The following PCSK5 variants were observed in gnomAD, a reference collection of about 807,000 sequenced individuals.
PCSK5 encodes proprotein convertase subtilisin/kexin type 5.
Under a neutral mutation model 233.2 loss-of-function variants are expected in PCSK5, and 129 were observed. The ratio of observed to expected loss-of-function variants is 0.55; its 90% CI spans 0.48 to 0.64. The LOEUF is 0.64. Among genes scored for constraint, PCSK5 ranks in the 30% least tolerant of loss-of-function variants. The probability of loss-of-function intolerance (pLI) is 0.00; values close to 1 mark genes in which losing one functional copy is unlikely to be tolerated. For missense variants in PCSK5, 2,076 were observed against 2,430.1 expected, an observed-to-expected ratio of 0.85 and a Z score of 3.06; for synonymous variants, 825 against 879.2, an observed-to-expected ratio of 0.94 and a Z score of 1.09.
chr9:76,182,234 G>C (rs561195664), intron 16 of PCSK5, among the ~76,000 whole-genome samples: 1 of 152,246 alleles, frequency 6.6e-6, no homozygotes, highest in South Asian at 2.1e-4. Flanking sequence ...CAACATTCAG[G>C]CTGCTCTTTT....
chr9:76,095,889 G>A lies in PCSK5; in HGVS notation c.895-1G>A. ...ATTTAGCTTTCTCTGTTTGTGAACA[G>A]GGGCGGAGAGGCCTCGGCTCTGTGT... On this transcript the variant is annotated splice_acceptor_variant, in intron 7 of 37. Coordinates refer to ENST00000674117, the MANE Select transcript of PCSK5 (RefSeq NM_001372043.1). LOFTEE classifies it high-confidence loss of function. 1 of 1,613,858 alleles carries A rather than the reference G, an allele frequency of 6.2e-7. No homozygotes were observed. The highest frequency in any genetic ancestry group is 8.5e-7 in the Non-Finnish European group (1 of 1,179,794).
chr9:76,274,664 A>G (rs1246579761), intron 24 of PCSK5, among the ~76,000 whole-genome samples: 1 of 152,230 alleles, frequency 6.6e-6, no homozygotes, highest in African/African-American at 2.4e-5. Context: ...AACATGAATT[A>G]TGACTATAAA....
chr9:76,294,230 T>A (rs1587843377), intron 25 of PCSK5, among the ~76,000 whole-genome samples: 1 of 150,882 alleles, frequency 6.6e-6, no homozygotes, highest in East Asian at 1.9e-4. Flanking sequence ...AAGGAAGATA[T>A]GCAAAGGTTT....
chr9:76,015,966 CTA>C (rs1342766173), intron 3 of PCSK5, among the ~76,000 whole-genome samples: 1 of 152,220 alleles, frequency 6.6e-6, no homozygotes, highest in Non-Finnish European at 1.5e-5. Context: ...ACTCCAGTCT[CTA>C]TGATTATTTG....
intron 5 of PCSK5, among the ~76,000 whole-genome samples, chr9:76,064,744 G>A (rs1412197289): frequency 4.7e-5 from 7 of 149,766 alleles, no homozygotes; most frequent in African/African-American, 1.2e-4. Flanking sequence ...GGTCTCGGCC[G>A]GGCAGAGGCG....
chr9:76,113,041 A>G (rs372169558), intron 9 of PCSK5, among the ~76,000 whole-genome samples: 57 of 152,272 alleles, frequency 3.7e-4, no homozygotes, highest in African/African-American at 1.2e-3. Flanking sequence ...GAGAAGTTCA[A>G]TTGCTCAATT....
At chr9:76,233,322 T>A in intron 21 of PCSK5, 138 bp from the exon 22 acceptor site, 1 of 793,408 alleles carries the variant, frequency 1.3e-6, no homozygotes, top group Non-Finnish European at 2.0e-6. Context: ...TCTAAGATGA[T>A]CACTCCCAGG....
chr9:76,307,343 T>C (rs1233551023), intron 28 of PCSK5, among the ~76,000 whole-genome samples: 1 of 151,814 alleles, frequency 6.6e-6, no homozygotes, highest in East Asian at 1.9e-4. Flanking sequence ...ATAAGGAAAA[T>C]GGTAAGATGT....
intron 12 of PCSK5, among the ~76,000 whole-genome samples, chr9:76,165,242 A>G (rs1003331753): frequency 6.6e-6 from 1 of 152,240 alleles, no homozygotes; most frequent in African/African-American, 2.4e-5. Context: ...TTCCAGGAAT[A>G]TTAGCCTGAT....
Position 75,980,605 on chromosome 9 carries a change from TTAA to T in PCSK5, c.298-5522_298-5520del, listed in dbSNP as rs1826230886. ...TGAAATAAACAGAATTTAAACGATC[TTAA>T]TAATTTTTTTCTTTAAAAAGGTGAC... On this transcript the variant is annotated intron_variant, in intron 2 of 37. Coordinates refer to ENST00000674117, the MANE Select transcript of PCSK5 (RefSeq NM_001372043.1). Among the ~76,000 whole-genome samples, 7 of 152,274 alleles carry T rather than the reference TTAA, an allele frequency of 4.6e-5. No individual in the cohort carries two copies. The South Asian group carries it at 1.5e-3, about 32-fold the overall frequency.
At position 76,193,612 on chromosome 9, in the gene PCSK5, A is replaced by T. The variant is rs1269473659; in HGVS notation, c.2626+3866A>T. The T allele has an allele frequency of 1.7e-5, 6 of 359,384 alleles. No homozygotes were observed. The East Asian group carries it at 2.4e-4, about 14-fold the overall frequency. 22.3% of individuals were successfully genotyped at this position (359,384 alleles called of 1,614,324 possible). ...TTTAGTGCTAAACAGCCAGAACCAC[A>T]GAGACAGTATTGTATGACCAAAGCA... On this transcript the variant is annotated intron_variant, in intron 20 of 37. Transcript: ENST00000674117.
chr9:76,295,188 G>A lies in PCSK5; in HGVS notation c.3186-87G>A, dbSNP rs1351069360. ...AAAACAAAACGAAACAAAAAACTCT[G>A]CATAGACATACATAAGGAGATTAAA... On this transcript the variant is annotated intron_variant, in intron 25 of 37. Coordinates refer to ENST00000674117, the MANE Select transcript of PCSK5 (RefSeq NM_001372043.1). 5.9e-6 allele frequency: 7 copies of A among 1,195,420 alleles called. No homozygotes were observed. The East Asian group carries it at 1.8e-4, about 30-fold the overall frequency. The allele number at this position is 1,195,420 out of a possible 1,614,324, so 74.1% of individuals were successfully genotyped here.
At chr9:75,987,659 G>A (rs1306418212) in intron 3 of PCSK5, among the ~76,000 whole-genome samples, 3 of 152,162 alleles carry the variant, frequency 2.0e-5, no homozygotes, top group African/African-American at 7.2e-5. Context: ...AGGGGAAAAA[G>A]GGAGGAATCA....
chr9:76,069,228 G>A (rs1355704922), intron 6 of PCSK5, among the ~76,000 whole-genome samples: 1 of 152,062 alleles, frequency 6.6e-6, no homozygotes, highest in East Asian at 1.9e-4. Context: ...CCTGAAGAAT[G>A]ATGAGTTTTG....
chr9:76,177,743 T>TATC (rs1823678174), intron 14 of PCSK5, among the ~76,000 whole-genome samples: 1 of 152,228 alleles, frequency 6.6e-6, no homozygotes, highest in Admixed American at 6.5e-5. Flanking sequence ...AACAGTTATA[T>TATC]ATCTTTGTGG....
chr9:76,057,960 C>T (rs1829883779), intron 5 of PCSK5, among the ~76,000 whole-genome samples: 1 of 150,662 alleles, frequency 6.6e-6, no homozygotes, highest in Admixed American at 6.7e-5. Flanking sequence ...CCTCAGCCTT[C>T]TGAGTAAGCG....
chr9:76,011,298 C>G (rs1827720193), intron 3 of PCSK5, among the ~76,000 whole-genome samples: 1 of 152,166 alleles, frequency 6.6e-6, no homozygotes, highest in Non-Finnish European at 1.5e-5. Context: ...TTTTCTGAAG[C>G]CTCTGCTACT....
At chr9:76,341,136 G>T (rs1034806301) in intron 35 of PCSK5, among the ~76,000 whole-genome samples, 6 of 151,790 alleles carry the variant, frequency 4.0e-5, no homozygotes, top group Non-Finnish European at 5.9e-5. Context: ...GAGGTGGGAA[G>T]ATCACTTGGG....
At chr9:76,061,083 T>C (rs551048679) in intron 5 of PCSK5, among the ~76,000 whole-genome samples, 1 of 152,286 alleles carries the variant, frequency 6.6e-6, no homozygotes, top group South Asian at 2.1e-4. Context: ...ATAAATGGTG[T>C]GTTTCATTAG....
Sources: gnomAD v4.1 joint callset for allele counts (sites outside exome capture counted in the v4.1 genomes callset) on GRCh38, gnomAD v4.1.1 for gene constraint, MANE v1.5 for transcripts, NCBI Gene and HGNC (gene_info 2026-07-23, HGNC 2026-07-21) for gene names.